Variants in ZNF420 observed in about 807,000 individuals in gnomAD.
ZNF420 encodes the protein ATM and p53-associated KZNF protein.
ZNF420 carries 31 observed loss-of-function variants against 44.7 expected under a neutral mutation model. The ratio of observed to expected loss-of-function variants is 0.69; its 90% CI spans 0.52 to 0.94. ZNF420 has a LOEUF of 0.94. Ranked by LOEUF, ZNF420 falls within the 40% of genes least tolerant of loss-of-function variation. The probability of loss-of-function intolerance (pLI) is 0.00; values close to 1 mark genes in which losing one functional copy is unlikely to be tolerated. For synonymous variants in ZNF420, 245 were observed against 267.4 expected, an observed-to-expected ratio of 0.92 and a Z score of 0.82; for missense variants, 681 against 827.9, an observed-to-expected ratio of 0.82 and a Z score of 2.18.
At position 37,111,408 on chromosome 19, in the gene ZNF420, T is replaced by G. The variant is rs1422394755; in HGVS notation, c.137-15720T>G. The G allele has an allele frequency of 3.9e-5, 6 of 152,244 alleles. No individual in the cohort carries two copies. The East Asian group carries it at 9.6e-4, about 24-fold the overall frequency. 9.4% of individuals were successfully genotyped at this position (152,244 alleles called of 1,614,324 possible). Reference sequence around the variant, plus strand: ...TCTCCTAGCAATTTTTGAAAATCATTTAATGTTTTTAATGTGCCTTTTCTT... The same window carrying G: ...TCTCCTAGCAATTTTTGAAAATCATGTAATGTTTTTAATGTGCCTTTTCTT... On this transcript the variant is annotated intron_variant, in intron 4 of 4. Coordinates refer to ENST00000337995, the MANE Select transcript of ZNF420 (RefSeq NM_144689.5).
intron 1 of ZNF420, among the ~76,000 whole-genome samples, chr19:37,054,832 A>G (rs1967711471): frequency 6.6e-6 from 1 of 152,184 alleles, no homozygotes; most frequent in Admixed American, 6.6e-5. Flanking sequence ...ACTGACTTAG[A>G]GGAGCTCAGG....
At chr19:37,099,681 T>C (rs1969654866) in intron 4 of ZNF420, among the ~76,000 whole-genome samples, 1 of 152,174 alleles carries the variant, frequency 6.6e-6, no homozygotes, top group Non-Finnish European at 1.5e-5. Flanking sequence ...TGGAGTGCAG[T>C]GGTGCAATCT....
intron 2 of ZNF420, among the ~76,000 whole-genome samples, 187 bp downstream of exon 2, chr19:37,080,575 G>C (rs759867090): frequency 6.6e-6 from 1 of 152,172 alleles, no homozygotes; most frequent in Non-Finnish European, 1.5e-5. Context: ...TTAAATTTAC[G>C]AAGAATGGAT....
At chr19:37,015,095 G>T (rs2074600034) in intron 1 of ZNF420, among the ~76,000 whole-genome samples, 2 of 152,240 alleles carry the variant, frequency 1.3e-5, no homozygotes, top group African/African-American at 4.8e-5. Flanking sequence ...CTCAGGAGCT[G>T]CCTGGCTGTG....
intron 1 of ZNF420, among the ~76,000 whole-genome samples, chr19:37,060,721 C>T (rs1432687118): frequency 6.6e-6 from 1 of 152,062 alleles, no homozygotes; most frequent in African/African-American, 2.4e-5. Flanking sequence ...GGGGGATTGC[C>T]TAGAATGAGC....
chr19:37,125,423 T>C (rs190565667), intron 4 of ZNF420, among the ~76,000 whole-genome samples: 85 of 152,318 alleles, frequency 5.6e-4, no homozygotes, highest in Admixed American at 5.3e-3. Flanking sequence ...AGATTTAGTA[T>C]GGAGGTGCTT....
chr19:37,099,388 T>A (rs1029327443), intron 4 of ZNF420, among the ~76,000 whole-genome samples: 8 of 152,166 alleles, frequency 5.3e-5, no homozygotes, highest in African/African-American at 1.9e-4. Flanking sequence ...AGCAGTGAGG[T>A]GATATCTGAT....
At chr19:37,022,620 A>C (rs185557528) in intron 1 of ZNF420, among the ~76,000 whole-genome samples, 21 of 152,350 alleles carry the variant, frequency 1.4e-4, no homozygotes, top group Admixed American at 1.2e-3. Flanking sequence ...ATTAACAAAA[A>C]ATAGCACCCA....
intron 4 of ZNF420, chr19:37,095,903 T>G (rs1254975441): frequency 6.6e-6 from 1 of 152,214 alleles, no homozygotes; most frequent in Non-Finnish European, 1.5e-5. Context: ...CCGGCCTGTC[T>G]TATTGTTAAT....
intron 4 of ZNF420, chr19:37,115,065 T>G (rs945399076): frequency 1.2e-5 from 2 of 163,242 alleles, no homozygotes; most frequent in African/African-American, 4.8e-5. Flanking sequence ...TACCCTGGCT[T>G]CTTCTGAGCG....
chr19:37,069,809 A>C (rs1265533249), intron 1 of ZNF420, among the ~76,000 whole-genome samples: 2 of 152,142 alleles, frequency 1.3e-5, no homozygotes, highest in African/African-American at 4.8e-5. Context: ...TTGGACCTCG[A>C]GGAAAAGTTA....
intron 4 of ZNF420, among the ~76,000 whole-genome samples, chr19:37,114,692 C>A (rs1241498772): frequency 1.3e-5 from 2 of 152,058 alleles, no homozygotes; most frequent in South Asian, 4.2e-4. Context: ...CTTTCCGTTC[C>A]TTTCCCAGAT....
In ZNF420 at chr19:37,128,875, A is replaced by T. The variant is rs141020281; in HGVS notation, c.1884A>T (p.Ser628=). The change falls in exon 5 of 5, where the codon TCA becomes TCT. Residue 628 remains serine, a synonymous_variant. Transcript: ENST00000337995. ...GTAGAAAGGCCTTTACTCAGAGTTC[A>T]CATCTTTCTCGGCATCAGAGAATTC... The part of the protein sequence containing the change: ...RECRKAFTQS[S]HLSRHQRIHT... The T allele has an allele frequency of 6.3e-5, 102 of 1,614,000 alleles. No homozygotes were observed. The highest frequency in any genetic ancestry group is 8.3e-5 in the Non-Finnish European group (98 of 1,179,974).
intron 1 of ZNF420, among the ~76,000 whole-genome samples, chr19:37,045,158 G>A (rs373584997): frequency 1.2e-3 from 184 of 152,162 alleles, no homozygotes; most frequent in African/African-American, 4.3e-3. Flanking sequence ...TATTAAATTA[G>A]GATATTTTAA....
At chr19:37,071,634 C>G (rs2146455176) in intron 1 of ZNF420, among the ~76,000 whole-genome samples, 1 of 152,170 alleles carries the variant, frequency 6.6e-6, no homozygotes, top group East Asian at 1.9e-4. Flanking sequence ...AACCCCATCT[C>G]TACTGAAAAT....
chr19:37,128,636 C>T lies in ZNF420; in HGVS notation c.1645C>T (p.His549Tyr). Reference sequence around the variant, plus strand: ...TGCGCGTGGCTTACTACTTATACAACATCAGAGAATTCATACTGGTGAGAA... The same window carrying T: ...TGCGCGTGGCTTACTACTTATACAATATCAGAGAATTCATACTGGTGAGAA... The part of the protein sequence containing the change: ...AFARGLLLIQ[H>Y]QRIHTGEKPY... Residue 549 changes from histidine to tyrosine, a missense_variant, in exon 5 of 5, where the codon CAT becomes TAT. By Grantham distance (83) the His-to-Tyr change is moderately conservative. Transcript: ENST00000337995. 6.2e-7 allele frequency: 1 copy of T among 1,614,052 alleles called. No homozygotes were observed. The highest frequency in any genetic ancestry group is 8.5e-7 in the Non-Finnish European group (1 of 1,179,980).
chr19:37,113,899 A>G (rs1451960083), intron 4 of ZNF420, among the ~76,000 whole-genome samples: 1 of 152,138 alleles, frequency 6.6e-6, no homozygotes, highest in Non-Finnish European at 1.5e-5. Context: ...AGAGGGTGAG[A>G]GCGATCATTT....
At chr19:37,089,402 G>GT (rs1568448500) in intron 3 of ZNF420, among the ~76,000 whole-genome samples, 4 of 152,140 alleles carry the variant, frequency 2.6e-5, no homozygotes, top group South Asian at 4.1e-4. Flanking sequence ...ATTTCATAAG[G>GT]TAGAGGAGGA....
intron 4 of ZNF420, among the ~76,000 whole-genome samples, chr19:37,126,813 TA>T (rs200789088): frequency 1.3e-5 from 2 of 152,050 alleles, no homozygotes; most frequent in African/African-American, 4.8e-5. Context: ...TAATTTTTTT[TA>T]AAATTCTAGA....
Sources: gnomAD v4.1 joint callset for allele counts (sites outside exome capture counted in the v4.1 genomes callset) on GRCh38, gnomAD v4.1.1 for gene constraint, MANE v1.5 for transcripts, NCBI Gene and HGNC (gene_info 2026-07-23, HGNC 2026-07-21) for gene names.